DPYSL2: variants seen among roughly 807,000 people sequenced by gnomAD.
DPYSL2 encodes the protein dihydropyrimidinase like 2, also known as dihydropyrimidinase-related protein 2.
In DPYSL2, 13 loss-of-function variants were observed where a neutral mutation model predicts 69.9. That is an observed-to-expected ratio of 0.19 (90% CI 0.12 to 0.30). The LOEUF (loss-of-function observed/expected upper bound fraction) is 0.30. DPYSL2 is among the 10% of genes least tolerant of loss of function. DPYSL2 has a pLI of 1.00. For synonymous variants in DPYSL2, 326 were observed against 359.1 expected (o/e 0.91, Z 1.04); for missense variants, 587 against 918.9 (o/e 0.64, Z 4.67).
chr8:26,623,140 C>T (rs1351309612), intron 3 of DPYSL2, among the ~76,000 whole-genome samples: 1 of 152,158 alleles, frequency 6.6e-6, no homozygotes, highest in Non-Finnish European at 1.5e-5. Context: ...ATAGCAGGTG[C>T]AAAGTCCCTG....
intron 3 of DPYSL2, among the ~76,000 whole-genome samples, chr8:26,603,240 T>C (rs558647675): frequency 5.9e-4 from 90 of 152,340 alleles, no homozygotes; most frequent in Non-Finnish European, 1.0e-3. Context: ...TGGCCCGATC[T>C]TGGCTCACTA....
chr8:26,524,914 GGT>G (rs879662626), intron 1 of DPYSL2, among the ~76,000 whole-genome samples: 2 of 149,260 alleles, frequency 1.3e-5, no homozygotes, highest in Non-Finnish European at 3.0e-5. Context: ...CAAGTTTATA[GGT>G]GGCAAATAGT....
At position 26,642,329 on chromosome 8, in the gene DPYSL2, G is replaced by A. The variant is rs1348478025; in HGVS notation, c.1127-1110G>A. 6.6e-6 allele frequency among the ~76,000 whole-genome samples: 1 copy of A among 152,264 alleles called. No individual in the cohort carries two copies. Among genetic ancestry groups the A allele is most frequent in the South Asian group, 2.1e-4 (1 of 4,822 alleles). On this transcript the variant is annotated intron_variant, in intron 8 of 13. Coordinates refer to ENST00000521913, the MANE Select transcript of DPYSL2 (RefSeq NM_001197293.3). The surrounding 1 kb of genome is among the most constrained non-coding windows in gnomAD (Gnocchi z 5.3). ...GTGAGACCCGAGTTGTGTTTTGGAC[G>A]ATGTTAAAGGAGGAGATCAGCTTCC...
At chr8:26,552,732 A>G (rs1433967968) in intron 1 of DPYSL2, among the ~76,000 whole-genome samples, 1 of 152,078 alleles carries the variant, frequency 6.6e-6, no homozygotes, top group Non-Finnish European at 1.5e-5. Flanking sequence ...TAAGTAGCCC[A>G]CTCCCTCAAT....
At chr8:26,529,605 C>T (rs1800465123) in intron 1 of DPYSL2, among the ~76,000 whole-genome samples, 1 of 152,070 alleles carries the variant, frequency 6.6e-6, no homozygotes, top group Non-Finnish European at 1.5e-5. Context: ...GCATGAGCCA[C>T]TGTGCTGCCT....
Position 26,610,631 on chromosome 8 carries a change from T to A in DPYSL2, c.629-13512T>A, listed in dbSNP as rs1372852664. On this transcript the variant is annotated intron_variant, in intron 3 of 13. Transcript: ENST00000521913. The surrounding 1 kb of genome is among the most constrained non-coding windows in gnomAD (Gnocchi z 4.5). ...TCCCTTCCCACGCCCTGTTCCTCAT[T>A]GGAATCCTCTGTCCTAGCCTATCCC... 6.6e-6 allele frequency among the ~76,000 whole-genome samples: 1 copy of A among 152,070 alleles called. No homozygotes were observed. Among genetic ancestry groups the A allele is most frequent in the Non-Finnish European group, 1.5e-5 (1 of 68,014 alleles).
At chr8:26,551,332 G>T (rs1309621003) in intron 1 of DPYSL2, among the ~76,000 whole-genome samples, 4 of 152,056 alleles carry the variant, frequency 2.6e-5, no homozygotes, top group Non-Finnish European at 4.4e-5. Context: ...AAATTATCAG[G>T]GATAAAGAGG....
rs1563370802 is a variant in DPYSL2, at chr8:26,514,698, G to T, written c.354+19G>T. The T allele has an allele frequency of 7.3e-7, 1 of 1,378,992 alleles. No homozygotes were observed. Among genetic ancestry groups the T allele is most frequent in the African/African-American group, 1.5e-5 (1 of 65,562 alleles). The allele number at this position is 1,378,992 out of a possible 1,614,324, so 85.4% of individuals were successfully genotyped here. A position where few individuals can be genotyped will look rare whatever the true frequency, so the allele number is the denominator to read the frequency against. ...CGACCAGGTCGGTGTGGGGGTTGGG[G>T]GTGGAGACGGAGGACGGGGCGCGGG... On this transcript the variant is annotated intron_variant, in intron 1 of 13. Coordinates refer to ENST00000521913, the MANE Select transcript of DPYSL2 (RefSeq NM_001197293.3). The surrounding 1 kb of genome is among the most constrained non-coding windows in gnomAD (Gnocchi z 8.4).
rs776032668 is a variant in DPYSL2 at position 26,560,159 on chromosome 8, C to T, written c.355-21810C>T. On this transcript the variant is annotated intron_variant, in intron 1 of 13. Transcript: ENST00000521913. The surrounding 1 kb of genome is among the most constrained non-coding windows in gnomAD (Gnocchi z 4.4). Reference sequence around the variant, plus strand: ...GGTGTAATAATTAATCAGGAGCAGACGCGACCATTCCCGACGGCCTTGGCA... The same window carrying T: ...GGTGTAATAATTAATCAGGAGCAGATGCGACCATTCCCGACGGCCTTGGCA... 3.9e-4 allele frequency among the ~76,000 whole-genome samples: 59 copies of T among 152,272 alleles called. No homozygotes were observed. Among genetic ancestry groups the T allele is most frequent in the Admixed American group, 1.2e-3 (18 of 15,290 alleles).
At chr8:26,594,608 T>C (rs1160140286) in intron 3 of DPYSL2, among the ~76,000 whole-genome samples, 1 of 152,230 alleles carries the variant, frequency 6.6e-6, no homozygotes, top group East Asian at 1.9e-4. Flanking sequence ...CTATTGATTA[T>C]CACTTATCTG....
chr8:26,551,593 A>T (rs1310708025), intron 1 of DPYSL2, among the ~76,000 whole-genome samples: 1 of 152,198 alleles, frequency 6.6e-6, no homozygotes, highest in African/African-American at 2.4e-5. Context: ...TCTAATTGAA[A>T]TTTATATTAT....
Position 26,571,641 on chromosome 8 carries a change from T to A in DPYSL2, c.355-10328T>A, listed in dbSNP as rs1238340836. ...CTCTGTGCCCTCTTGTCCAGCAGGA[T>A]TTGGACAGATGAGCTTCTTGTCTTC... On this transcript the variant is annotated intron_variant, in intron 1 of 13. Transcript: ENST00000521913. The surrounding 1 kb of genome is among the most constrained non-coding windows in gnomAD (Gnocchi z 6.1). Among the ~76,000 whole-genome samples, 1 of 152,136 alleles carries A rather than the reference T, an allele frequency of 6.6e-6. No homozygotes were observed. The highest frequency in any genetic ancestry group is 2.4e-5 in the African/African-American group (1 of 41,428).
intron 3 of DPYSL2, among the ~76,000 whole-genome samples, chr8:26,602,453 G>C (rs894878871): frequency 5.9e-5 from 9 of 152,154 alleles, no homozygotes; most frequent in African/African-American, 2.2e-4. Flanking sequence ...CCCTCCCAGA[G>C]CTGAGAATGG....
At chr8:26,578,576 A>G (rs1237919140) in intron 1 of DPYSL2, 2 of 1,339,894 alleles carry the variant, frequency 1.5e-6, no homozygotes, top group Non-Finnish European at 1.9e-6. Flanking sequence ...TCAGTGAGAG[A>G]TGCTGCAGCG....
At position 26,514,537 on chromosome 8, in the gene DPYSL2, T is replaced by A. The variant is rs1344936486; in HGVS notation, c.212T>A (p.Val71Asp). Residue 71 changes from valine (V) to aspartate (D), a missense_variant, in exon 1 of 14, where the codon GTC becomes GAC. Coordinates refer to ENST00000521913, the MANE Select transcript of DPYSL2 (RefSeq NM_001197293.3). This position sits in a 1 kb window ranked among gnomAD's most constrained non-coding sequence, Gnocchi z 8.4. ...CAGGTGGTGGCTCAGCAGCGGGACGTCGCCCACTTGGGCCCGGACCCGCAG... is the reference window on the plus strand; with the variant it reads ...CAGGTGGTGGCTCAGCAGCGGGACGACGCCCACTTGGGCCCGGACCCGCAG... Reference protein sequence around the residue: ...SGQVVAQQRDVAHLGPDPQPP... With the variant: ...SGQVVAQQRDDAHLGPDPQPP... The A allele has an allele frequency of 6.5e-7, 1 of 1,529,332 alleles. No individual in the cohort carries two copies. The highest frequency in any genetic ancestry group is 8.7e-7 in the Non-Finnish European group (1 of 1,144,414). 94.7% of individuals were successfully genotyped at this position (1,529,332 alleles called of 1,614,324 possible).
chr8:26,635,841 CTG>C (rs1770773970), intron 8 of DPYSL2, among the ~76,000 whole-genome samples: 1 of 152,184 alleles, frequency 6.6e-6, no homozygotes, highest in Non-Finnish European at 1.5e-5. Flanking sequence ...CATTCTCTCT[CTG>C]TGTCTTTCTT....
chr8:26,579,025 C>T (rs1365196887), intron 1 of DPYSL2, among the ~76,000 whole-genome samples: 1 of 152,094 alleles, frequency 6.6e-6, no homozygotes, highest in Non-Finnish European at 1.5e-5. Context: ...CTCTTTTTCA[C>T]GTCTCTTTTC....
intron 1 of DPYSL2, among the ~76,000 whole-genome samples, chr8:26,581,505 T>C (rs975963138): frequency 1.3e-5 from 2 of 151,982 alleles, no homozygotes; most frequent in Non-Finnish European, 2.9e-5. Flanking sequence ...CCCGAGTAGC[T>C]GGGATTACAG....
rs1421714824 is a variant in DPYSL2, at chr8:26,608,872, C to T, written c.629-15271C>T. 5.3e-5 allele frequency among the ~76,000 whole-genome samples: 8 copies of T among 152,350 alleles called. No individual in the cohort carries two copies. The East Asian group carries it at 1.3e-3, about 26-fold the overall frequency. The stretch of plus-strand genomic sequence containing the variant: ...TAGAGCGATCTCAGTCAACAGATGA[C>T]ATCACCGACTTTTCCTTCCCTGCTG... On this transcript the variant is annotated intron_variant, in intron 3 of 13. Coordinates refer to ENST00000521913, the MANE Select transcript of DPYSL2 (RefSeq NM_001197293.3).
Sources: gnomAD v4.1 joint callset for allele counts (sites outside exome capture counted in the v4.1 genomes callset) on GRCh38, gnomAD v4.1.1 for gene constraint, Gnocchi (gnomAD v3.1) non-coding constraint, MANE v1.5 for transcripts, NCBI Gene and HGNC (gene_info 2026-07-23, HGNC 2026-07-21) for gene names.